KCTD16: variants seen among roughly 807,000 people sequenced by gnomAD.
KCTD16 encodes the protein potassium channel tetramerization domain containing 16.
Under a neutral mutation model 33.2 loss-of-function variants are expected in KCTD16, and 13 were observed. The observed-to-expected ratio is 0.39, with a 90% CI of 0.25 to 0.62. The LOEUF (loss-of-function observed/expected upper bound fraction) is 0.62. KCTD16 is among the 20% of genes least tolerant of loss of function. KCTD16 has a pLI of 0.50. For synonymous variants in KCTD16, 197 were observed against 195.3 expected (o/e 1.01, Z -0.07); for missense variants, 441 against 525.1 (o/e 0.84, Z 1.57).
At chr5:144,228,262 G>A (rs1032828581) in intron 3 of KCTD16, among the ~76,000 whole-genome samples, 1 of 152,180 alleles carries the variant, frequency 6.6e-6, no homozygotes, top group Non-Finnish European at 1.5e-5. Flanking sequence ...GGCCAATGAA[G>A]TAGGAAGAGA....
chr5:144,381,519 A>G (rs1293847230), intron 3 of KCTD16, among the ~76,000 whole-genome samples: 1 of 152,210 alleles, frequency 6.6e-6, no homozygotes, highest in Non-Finnish European at 1.5e-5. Flanking sequence ...GGGAGGCCTC[A>G]GGAAGTTTAC....
chr5:144,179,033 G>T (rs1178768130), intron 2 of KCTD16, among the ~76,000 whole-genome samples: 1 of 152,162 alleles, frequency 6.6e-6, no homozygotes, highest in East Asian at 1.9e-4. Context: ...GAATTAAAGA[G>T]AATTAAAACT....
chr5:144,385,659 A>C (rs1386879561), intron 3 of KCTD16, among the ~76,000 whole-genome samples: 2 of 152,234 alleles, frequency 1.3e-5, no homozygotes, highest in Admixed American at 1.3e-4. Flanking sequence ...GCCATCTGGA[A>C]AGACTGAGTC....
chr5:144,418,347 G>A (rs532795016), intron 3 of KCTD16, among the ~76,000 whole-genome samples: 153 of 152,188 alleles, frequency 1.0e-3, no homozygotes, highest in Non-Finnish European at 1.6e-3. Flanking sequence ...CCTGCTGATT[G>A]GTCCATTTTA....
chr5:144,450,215 T>C (rs1247116938), intron 3 of KCTD16, among the ~76,000 whole-genome samples: 1 of 151,914 alleles, frequency 6.6e-6, no homozygotes, highest in African/African-American at 2.4e-5. Context: ...ACATCACTAA[T>C]ATCAGGGAAA....
chr5:144,393,411 G>T (rs1752494307), intron 3 of KCTD16, among the ~76,000 whole-genome samples: 2 of 152,112 alleles, frequency 1.3e-5, no homozygotes, highest in South Asian at 4.1e-4. Context: ...AAATCTGTGT[G>T]TTTTTCTATG....
intron 3 of KCTD16, among the ~76,000 whole-genome samples, chr5:144,406,152 C>T (rs1200960278): frequency 6.6e-6 from 1 of 152,172 alleles, no homozygotes; most frequent in East Asian, 1.9e-4. Context: ...AACCAGGAAG[C>T]ACCCTGAGAA....
At chr5:144,376,562 A>G (rs945048450) in intron 3 of KCTD16, among the ~76,000 whole-genome samples, 5 of 152,192 alleles carry the variant, frequency 3.3e-5, no homozygotes, top group Admixed American at 2.0e-4. Flanking sequence ...TTTGGTTCAA[A>G]TAAGGGAAAG....
intron 3 of KCTD16, among the ~76,000 whole-genome samples, chr5:144,471,043 G>T (rs1313731045): frequency 3.3e-5 from 5 of 152,130 alleles, no homozygotes; most frequent in African/African-American, 1.2e-4. Flanking sequence ...AGCCGGACGT[G>T]GTGGCAGGTA....
intron 3 of KCTD16, among the ~76,000 whole-genome samples, chr5:144,412,205 A>C (rs80252766): frequency 0.015 from 2,235 of 152,326 alleles, 64 homozygotes; most frequent in African/African-American, 0.051. Context: ...TAATACATTG[A>C]AAGGATATCG....
At chr5:144,261,989 T>C (rs567410304) in intron 3 of KCTD16, among the ~76,000 whole-genome samples, 38 of 152,336 alleles carry the variant, frequency 2.5e-4, no homozygotes, top group Admixed American at 1.6e-3. Context: ...GAATACTTCA[T>C]TTGTTGCCAC....
chr5:144,250,748 C>G (rs115197323), intron 3 of KCTD16, among the ~76,000 whole-genome samples: 1 of 152,054 alleles, frequency 6.6e-6, no homozygotes, highest in Non-Finnish European at 1.5e-5. Flanking sequence ...CCTTGCTAAG[C>G]CTTTGTTTCA....
At chr5:144,407,774 T>C (rs1752844874) in intron 3 of KCTD16, among the ~76,000 whole-genome samples, 1 of 152,138 alleles carries the variant, frequency 6.6e-6, no homozygotes, top group Admixed American at 6.5e-5. Flanking sequence ...AACTCCCTCT[T>C]ATGAGTGAGA....
intron 3 of KCTD16, among the ~76,000 whole-genome samples, chr5:144,301,783 A>T (rs1751450741): frequency 6.6e-6 from 1 of 152,164 alleles, no homozygotes. Flanking sequence ...TGCCCATCCA[A>T]AATCTTGTAT....
At chr5:144,290,996 A>C (rs747298031) in intron 3 of KCTD16, among the ~76,000 whole-genome samples, 3 of 152,252 alleles carry the variant, frequency 2.0e-5, no homozygotes, top group Non-Finnish European at 4.4e-5. Flanking sequence ...GCAAGACGTT[A>C]AAATAATCCA....
intron 3 of KCTD16, among the ~76,000 whole-genome samples, chr5:144,469,387 G>A (rs1281239827): frequency 2.6e-5 from 4 of 152,106 alleles, no homozygotes; most frequent in South Asian, 4.1e-4. Flanking sequence ...CTGTAACATC[G>A]GTGTCATTAC....
At chr5:144,187,391 T>G (rs1463656967) in intron 2 of KCTD16, among the ~76,000 whole-genome samples, 1 of 151,934 alleles carries the variant, frequency 6.6e-6, no homozygotes, top group African/African-American at 2.4e-5. Flanking sequence ...ACAGAGTCAA[T>G]AAATTTTAGA....
rs756395602 is a variant in KCTD16 at position 144,250,428 on chromosome 5, T to G, written c.832+42882T>G. On this transcript the variant is annotated intron_variant, in intron 3 of 3. Coordinates refer to ENST00000512467, the MANE Select transcript of KCTD16 (RefSeq NM_020768.4). ...GGAAGTGGGGTCCTCCCAGAGTATC[T>G]GTAGCCCAGAAATCACAAAATTGAC... is the stretch of plus-strand genomic sequence containing the variant. Among the ~76,000 whole-genome samples, 183 of 152,218 alleles carry G rather than the reference T, an allele frequency of 1.2e-3. 4 individuals are homozygous for G. The highest frequency in any genetic ancestry group is 3.8e-4 in the Non-Finnish European group (26 of 68,038).
chr5:144,198,555 T>C lies in KCTD16; in HGVS notation c.-326-7834T>C, dbSNP rs541232814. Among the ~76,000 whole-genome samples, 51 of 152,342 alleles carry C rather than the reference T, an allele frequency of 3.3e-4. 1 individual carries two copies. The highest frequency in any genetic ancestry group is 1.2e-3 in the African/African-American group (51 of 41,590). Reference sequence around the variant, plus strand: ...CTGCAGATGCCACTGGTAAGATTCATTTCAGCCTAAGAGTATGACATGTTT... The same window carrying C: ...CTGCAGATGCCACTGGTAAGATTCACTTCAGCCTAAGAGTATGACATGTTT... On this transcript the variant is annotated intron_variant, in intron 2 of 3. Coordinates refer to ENST00000512467, the MANE Select transcript of KCTD16 (RefSeq NM_020768.4).
Sources: gnomAD v4.1 joint callset for allele counts (sites outside exome capture counted in the v4.1 genomes callset) on GRCh38, gnomAD v4.1.1 for gene constraint, MANE v1.5 for transcripts, NCBI Gene and HGNC (gene_info 2026-07-23, HGNC 2026-07-21) for gene names.